Variants in ERBB4 observed in about 807,000 individuals in gnomAD.
ERBB4 encodes the protein receptor tyrosine-protein kinase erbB-4.
A neutral mutation model predicts 158.0 loss-of-function variants in ERBB4; 42 were observed. That is an observed-to-expected ratio of 0.27 (90% CI 0.21 to 0.34). ERBB4 has a LOEUF of 0.34. ERBB4 is among the 10% of genes least tolerant of loss of function. The pLI is 1.00. For missense variants in ERBB4, 1,333 were observed against 1,624.1 expected, an observed-to-expected ratio of 0.82 and a Z score of 3.08; for synonymous variants, 583 against 558.7, an observed-to-expected ratio of 1.04 and a Z score of -0.61.
chr2:211,700,698 T>A (rs368762221), intron 12 of ERBB4, among the ~76,000 whole-genome samples: 18 of 152,204 alleles, frequency 1.2e-4, no homozygotes, highest in Middle Eastern at 3.4e-3. Flanking sequence ...AAGTCTTCTA[T>A]TTATTCACAC....
intron 14 of ERBB4, among the ~76,000 whole-genome samples, chr2:211,666,971 A>T (rs2071654997): frequency 6.6e-6 from 1 of 152,196 alleles, no homozygotes; most frequent in Non-Finnish European, 1.5e-5. Context: ...TTGTAAAGAT[A>T]ATGGGAGTAC....
At chr2:211,959,599 C>T (rs576584984) in intron 2 of ERBB4, among the ~76,000 whole-genome samples, 3 of 152,136 alleles carry the variant, frequency 2.0e-5, no homozygotes, top group East Asian at 3.9e-4. Flanking sequence ...AATTATGAAA[C>T]ATTTTTCTCT....
intron 2 of ERBB4, chr2:211,960,644 T>C (rs990742): frequency 0.24 from 36,797 of 151,988 alleles, 4,787 homozygotes; most frequent in South Asian, 0.41. Context: ...AATATCAAGG[T>C]GTCAGCAAAT....
At chr2:211,734,570 T>C (rs529387244) in intron 5 of ERBB4, among the ~76,000 whole-genome samples, 1 of 149,332 alleles carries the variant, frequency 6.7e-6, no homozygotes, top group East Asian at 2.0e-4. Flanking sequence ...AATGAGGAAT[T>C]GGTTAAGTAA....
rs540030155 is a variant in ERBB4 at position 211,681,492 on chromosome 2, C to T, written c.1490-2308G>A. Among the ~76,000 whole-genome samples the T allele has an allele frequency of 2.5e-4, 38 of 152,246 alleles. 1 individual carries two copies. In the South Asian group the frequency reaches 7.7e-3, roughly 31 times the overall value. Reference sequence around the variant, plus strand: ...ACATTCCTACCATCAATGAACACAACTCAAAATTTAGTTTCCCTACATCTT... The same window carrying T: ...ACATTCCTACCATCAATGAACACAATTCAAAATTTAGTTTCCCTACATCTT... On this transcript the variant is annotated intron_variant, in intron 12 of 27. Coordinates refer to ENST00000342788, the MANE Select transcript of ERBB4 (RefSeq NM_005235.3).
intron 3 of ERBB4, among the ~76,000 whole-genome samples, chr2:211,829,977 C>T (rs2077184726): frequency 6.6e-6 from 1 of 152,078 alleles, no homozygotes; most frequent in Non-Finnish European, 1.5e-5. Context: ...GTGAATATAA[C>T]CCCCATCCCC....
At chr2:212,399,531 A>G (rs1453512388) in intron 1 of ERBB4, among the ~76,000 whole-genome samples, 3 of 120,536 alleles carry the variant, frequency 2.5e-5, no homozygotes, top group East Asian at 5.4e-4. Flanking sequence ...CCCCTGATAT[A>G]TATTTTATAT....
chr2:212,103,413 G>T (rs539948347), intron 2 of ERBB4, among the ~76,000 whole-genome samples: 1 of 152,110 alleles, frequency 6.6e-6, no homozygotes, highest in Admixed American at 6.6e-5. Context: ...AATAATATAT[G>T]TGATTTTAAT....
chr2:212,421,081 T>C (rs1231846493), intron 1 of ERBB4, among the ~76,000 whole-genome samples: 1 of 152,120 alleles, frequency 6.6e-6, no homozygotes, highest in African/African-American at 2.4e-5. Context: ...TAGTCAGAAA[T>C]GAAAATTTTT....
chr2:212,379,188 T>C (rs1011984873), intron 1 of ERBB4, among the ~76,000 whole-genome samples: 1 of 151,766 alleles, frequency 6.6e-6, no homozygotes, highest in African/African-American at 2.4e-5. Context: ...ATTCTAATTG[T>C]AGCAAAGCAT....
intron 15 of ERBB4, chr2:211,658,117 A>T (rs1190447526): frequency 4.6e-6 from 3 of 659,036 alleles, no homozygotes; most frequent in South Asian, 1.7e-5. Context: ...AACACAATGA[A>T]TTTCAAGCCA....
At chr2:211,647,373 A>T (rs977540827) in intron 16 of ERBB4, among the ~76,000 whole-genome samples, 3 of 151,526 alleles carry the variant, frequency 2.0e-5, no homozygotes, top group African/African-American at 7.3e-5. Flanking sequence ...TCTCATCTAC[A>T]TTTCTCAAAA....
intron 2 of ERBB4, among the ~76,000 whole-genome samples, chr2:212,083,380 T>TG (rs974362788): frequency 2.0e-5 from 3 of 151,908 alleles, no homozygotes; most frequent in African/African-American, 4.8e-5. Context: ...CAGATAGAAT[T>TG]GGGGGGAGGA....
intron 2 of ERBB4, among the ~76,000 whole-genome samples, chr2:212,083,137 G>A (rs10201617): frequency 0.84 from 127,135 of 151,976 alleles, 54,793 homozygotes; most frequent in East Asian, 1. Context: ...ATGGATATAC[G>A]GAGATCAAAT....
At chr2:211,426,046 A>G (rs2063619286) in intron 22 of ERBB4, among the ~76,000 whole-genome samples, 1 of 152,160 alleles carries the variant, frequency 6.6e-6, no homozygotes, top group South Asian at 2.1e-4. Context: ...AAGATAGAGT[A>G]GATACTCTCA....
intron 3 of ERBB4, among the ~76,000 whole-genome samples, chr2:211,920,711 C>CTTT (rs59291331): frequency 0.012 from 1,660 of 141,764 alleles, 28 homozygotes; most frequent in African/African-American, 0.04. Context: ...AGAGCTGTGA[C>CTTT]TTTTTTTTTT....
At position 211,880,200 on chromosome 2, in the gene ERBB4, C is replaced by G. The variant is rs1057045938; in HGVS notation, c.421+67230G>C. ...AGAATGTACCTCTTTCCAATTCTACCTATCAAACATTCTTTAACAGTAGGT... is the reference window on the plus strand; with the variant it reads ...AGAATGTACCTCTTTCCAATTCTACGTATCAAACATTCTTTAACAGTAGGT... On this transcript the variant is annotated intron_variant, in intron 3 of 27. Transcript: ENST00000342788. Among the ~76,000 whole-genome samples the G allele has an allele frequency of 7.2e-5, 11 of 151,998 alleles. 1 individual carries two copies. Among genetic ancestry groups the G allele is most frequent in the Admixed American group, 5.2e-4 (8 of 15,256 alleles).
chr2:211,729,534 G>A (rs921999344), intron 5 of ERBB4, among the ~76,000 whole-genome samples: 1 of 151,672 alleles, frequency 6.6e-6, no homozygotes, highest in South Asian at 2.1e-4. Flanking sequence ...TATGAGACTT[G>A]TAACAAGAAA....
intron 20 of ERBB4, among the ~76,000 whole-genome samples, chr2:211,556,950 A>C: frequency 6.6e-6 from 1 of 152,160 alleles, no homozygotes; most frequent in East Asian, 1.9e-4. Flanking sequence ...ACCCAGAAAT[A>C]AGGCTGCATA....
Sources: gnomAD v4.1 joint callset for allele counts (sites outside exome capture counted in the v4.1 genomes callset) on GRCh38, gnomAD v4.1.1 for gene constraint, MANE v1.5 for transcripts, NCBI Gene and HGNC (gene_info 2026-07-23, HGNC 2026-07-21) for gene names.